The following PCDH9 variants were observed in gnomAD, a reference collection of about 807,000 sequenced individuals.
PCDH9 encodes the protein protocadherin 9, also known as protocadherin-9.
Under a neutral mutation model 70.6 loss-of-function variants are expected in PCDH9, and 24 were observed. The observed-to-expected ratio is 0.34, with a 90% CI of 0.25 to 0.48. The LOEUF (loss-of-function observed/expected upper bound fraction) is 0.48, where lower values mean the gene tolerates loss of function less well. Ranked by LOEUF, PCDH9 falls within the 20% of genes least tolerant of loss-of-function variation. The pLI, the probability that PCDH9 is intolerant of heterozygous loss-of-function variation, is 0.99. For synonymous variants in PCDH9, 562 were observed against 558.5 expected, an observed-to-expected ratio of 1.01 and a Z score of -0.09; for missense variants, 1,281 against 1,503.6, an observed-to-expected ratio of 0.85 and a Z score of 2.45.
chr13:66,871,729 G>A (rs2081691255), intron 3 of PCDH9, among the ~76,000 whole-genome samples: 1 of 152,022 alleles, frequency 6.6e-6, no homozygotes, highest in South Asian at 2.1e-4. Flanking sequence ...ATATATATTT[G>A]TTATATGAGG....
rs570651179 is a variant in PCDH9, at chr13:66,414,302, GTTA to G, written c.3341-109277_3341-109275del. On this transcript the variant is annotated intron_variant, in intron 4 of 4. Coordinates refer to ENST00000377865, the MANE Select transcript of PCDH9 (RefSeq NM_203487.3). ...TGGAGATGCTGACTTAACTACAAAA[GTTA>G]TTTACTTTGGCATATGTCACTTTGT... Among the ~76,000 whole-genome samples, 1,316 of 152,272 alleles carry G rather than the reference GTTA, an allele frequency of 8.6e-3. 14 individuals carry two copies. Among genetic ancestry groups the G allele is most frequent in the Middle Eastern group, 0.014 (4 of 294 alleles).
chr13:67,121,704 T>C (rs1261136520), intron 2 of PCDH9, among the ~76,000 whole-genome samples: 3 of 152,212 alleles, frequency 2.0e-5, no homozygotes, highest in South Asian at 4.1e-4. Context: ...ACAATGGCTA[T>C]GTCTGTAAGA....
At chr13:66,680,883 C>A (rs1020423781) in intron 3 of PCDH9, among the ~76,000 whole-genome samples, 1 of 151,986 alleles carries the variant, frequency 6.6e-6, no homozygotes, top group African/African-American at 2.4e-5. Context: ...GTAATATTAA[C>A]ATATCAAAAA....
At chr13:66,903,798 G>A (rs557303758) in intron 2 of PCDH9, among the ~76,000 whole-genome samples, 193 bp from the exon 3 acceptor site, 1 of 151,856 alleles carries the variant, frequency 6.6e-6, no homozygotes, top group African/African-American at 2.4e-5. Context: ...TAAACAAATT[G>A]TTAAAACACT....
intron 4 of PCDH9, among the ~76,000 whole-genome samples, chr13:66,595,883 A>G (rs904881923): frequency 6.6e-6 from 1 of 151,726 alleles, no homozygotes; most frequent in African/African-American, 2.4e-5. Flanking sequence ...GTAAGCGAAA[A>G]GAGAAAGACT....
At position 66,679,705 on chromosome 13, in the gene PCDH9, A is replaced by T. The variant is rs550603973; in HGVS notation, c.3139-48294T>A. On this transcript the variant is annotated intron_variant, in intron 3 of 4. Coordinates refer to ENST00000377865, the MANE Select transcript of PCDH9 (RefSeq NM_203487.3). ...CCCCAATAGATTATTTAAATATGTT[A>T]TCCAGGAATATAGAGACATAATTGT... 2.0e-5 allele frequency among the ~76,000 whole-genome samples: 3 copies of T among 152,054 alleles called. No homozygotes were observed. The East Asian group carries it at 5.8e-4, about 29-fold the overall frequency.
chr13:67,204,377 G>A (rs911255729), intron 2 of PCDH9: 3 of 152,244 alleles, frequency 2.0e-5, no homozygotes, highest in African/African-American at 7.2e-5. Context: ...TCTAGGAGCT[G>A]ATGCCCATTT....
chr13:66,952,698 C>T (rs925482509), intron 2 of PCDH9, among the ~76,000 whole-genome samples: 1 of 152,158 alleles, frequency 6.6e-6, no homozygotes, highest in Non-Finnish European at 1.5e-5. Flanking sequence ...CCACCTGTGG[C>T]CACCAGGGCC....
chr13:66,903,452 GA>G, intron 3 of PCDH9, 51 bp downstream of exon 3: 1 of 659,756 alleles, frequency 1.5e-6, no homozygotes, highest in Admixed American at 2.6e-5. Flanking sequence ...AAATCATGAG[GA>G]AAATGAAAAT....
chr13:67,043,306 T>C (rs1313827325), intron 2 of PCDH9, among the ~76,000 whole-genome samples: 1 of 152,130 alleles, frequency 6.6e-6, no homozygotes, highest in Non-Finnish European at 1.5e-5. Flanking sequence ...ACAATCCATG[T>C]AAAGAGTGAT....
intron 4 of PCDH9, among the ~76,000 whole-genome samples, chr13:66,342,390 T>A (rs913495678): frequency 6.6e-6 from 1 of 152,208 alleles, no homozygotes; most frequent in Non-Finnish European, 1.5e-5. Context: ...TGGGCAACTA[T>A]AATAATCATC....
intron 4 of PCDH9, among the ~76,000 whole-genome samples, chr13:66,495,700 T>C (rs950403739): frequency 3.9e-5 from 6 of 152,338 alleles, no homozygotes; most frequent in African/African-American, 1.4e-4. Context: ...CACTGGTGAC[T>C]CTTTGACCTC....
rs1221762881 is a variant in PCDH9, at chr13:67,227,404, A to G, written c.1037T>C (p.Ile346Thr). Residue 346 changes from isoleucine (I) to threonine (T), a missense_variant, in exon 2 of 5, where the codon ATC becomes ACC. Physicochemically the swap from Ile to Thr is moderately conservative, Grantham distance 89. This residue lies in a region of PCDH9 where 798 missense variants were observed against 1,003.1 expected (regional missense o/e 0.80). Transcript: ENST00000377865. This position sits in a 1 kb window ranked among gnomAD's most constrained non-coding sequence, Gnocchi z 4.6. ...SSTPARATVT[I>T]NVTDVNDNPP... ...GTTATCATTTACATCGGTGACATTG[A>G]TGGTAACCGTTGCTCGAGCAGGAGT... 2 of 1,613,824 alleles carry G rather than the reference A, an allele frequency of 1.2e-6. No individual in the cohort carries two copies. The highest frequency in any genetic ancestry group is 1.7e-6 in the Non-Finnish European group (2 of 1,179,842).
chr13:66,753,925 C>T (rs759042769), intron 3 of PCDH9, among the ~76,000 whole-genome samples: 2 of 151,974 alleles, frequency 1.3e-5, no homozygotes, highest in Non-Finnish European at 2.9e-5. Context: ...TAATACTGAA[C>T]CTTCATATTC....
At chr13:67,070,063 T>C (rs2085730257) in intron 2 of PCDH9, among the ~76,000 whole-genome samples, 1 of 149,010 alleles carries the variant, frequency 6.7e-6, no homozygotes, top group Admixed American at 6.8e-5. Flanking sequence ...AAGTATTACA[T>C]TATTAATATA....
At chr13:66,849,207 A>G (rs1216271673) in intron 3 of PCDH9, among the ~76,000 whole-genome samples, 1 of 151,898 alleles carries the variant, frequency 6.6e-6, no homozygotes, top group Admixed American at 6.6e-5. Flanking sequence ...TATAACCACT[A>G]CTATTAAGGT....
chr13:66,475,324 C>T (rs1958702489), intron 4 of PCDH9, among the ~76,000 whole-genome samples: 2 of 152,068 alleles, frequency 1.3e-5, no homozygotes, highest in African/African-American at 4.8e-5. Flanking sequence ...GCCCTGCTGT[C>T]ACTGTGACCT....
intron 3 of PCDH9, among the ~76,000 whole-genome samples, chr13:66,681,498 G>A (rs17497516): frequency 0.012 from 1,791 of 152,050 alleles, 14 homozygotes; most frequent in Non-Finnish European, 0.02. Flanking sequence ...CAGGACTTAT[G>A]CAGCCTCCAT....
At chr13:67,084,187 A>T (rs1254711984) in intron 2 of PCDH9, among the ~76,000 whole-genome samples, 1 of 152,178 alleles carries the variant, frequency 6.6e-6, no homozygotes, top group Non-Finnish European at 1.5e-5. Context: ...TAAAAGCAAC[A>T]TCTTAACATG....
Sources: gnomAD v4.1 joint callset for allele counts (sites outside exome capture counted in the v4.1 genomes callset) on GRCh38, gnomAD v4.1.1 for gene constraint, gnomAD v4.1.1 regional missense constraint, Gnocchi (gnomAD v3.1) non-coding constraint, MANE v1.5 for transcripts, NCBI Gene and HGNC (gene_info 2026-07-23, HGNC 2026-07-21) for gene names.